Variants in KIF21A observed in about 807,000 individuals in gnomAD.
KIF21A encodes the protein kinesin family member 21A.
Under a neutral mutation model 202.9 loss-of-function variants are expected in KIF21A, and 114 were observed. That is an observed-to-expected ratio of 0.56 (90% CI 0.48 to 0.66). The LOEUF (loss-of-function observed/expected upper bound fraction) is 0.66, where lower values mean the gene tolerates loss of function less well. Ranked by LOEUF, KIF21A falls within the 30% of genes least tolerant of loss-of-function variation. The probability of loss-of-function intolerance (pLI) is 0.00; values close to 1 mark genes in which losing one functional copy is unlikely to be tolerated. For synonymous variants in KIF21A, 667 were observed against 670.8 expected, an observed-to-expected ratio of 0.99 and a Z score of 0.09; for missense variants, 1,677 against 1,994.9, an observed-to-expected ratio of 0.84 and a Z score of 3.04.
chr12:39,322,157 G>A (rs1945339192), intron 27 of KIF21A: 1 of 153,136 alleles, frequency 6.5e-6, no homozygotes, highest in Admixed American at 6.5e-5. Flanking sequence ...CCCAGAATAT[G>A]CAATATGCTT....
chr12:39,308,969 A>G (rs1943744348), intron 33 of KIF21A, among the ~76,000 whole-genome samples: 1 of 152,200 alleles, frequency 6.6e-6, no homozygotes, highest in African/African-American at 2.4e-5. Context: ...GTTTACGTCA[A>G]TTTTGATTAT....
At chr12:39,322,920 ACT>A in intron 26 of KIF21A, 38 bp from the exon 27 acceptor site, 1 of 1,344,752 alleles carries the variant, frequency 7.4e-7, no homozygotes, top group East Asian at 3.1e-5. Flanking sequence ...TCAGGAGCAA[ACT>A]CTTGCATAGA....
At chr12:39,309,563 CTA>C (rs777685422) in intron 33 of KIF21A, 21 bp downstream of exon 33, 2 of 1,531,590 alleles carry the variant, frequency 1.3e-6, no homozygotes, top group Non-Finnish European at 1.8e-6. Flanking sequence ...CTCCTTTATG[CTA>C]TATGTCTTCA....
chr12:39,386,009 G>T (rs1328356376), intron 1 of KIF21A, among the ~76,000 whole-genome samples: 1 of 152,100 alleles, frequency 6.6e-6, no homozygotes, highest in East Asian at 1.9e-4. Flanking sequence ...CTGTTTATTT[G>T]TTCTGGGTTT....
intron 1 of KIF21A, among the ~76,000 whole-genome samples, chr12:39,416,943 A>C (rs944434155): frequency 6.6e-6 from 1 of 150,704 alleles, no homozygotes; most frequent in African/African-American, 2.4e-5. Flanking sequence ...ATTTTAAAAA[A>C]CCTTGAGGAT....
intron 36 of KIF21A, 61 bp from the exon 37 acceptor site, chr12:39,301,740 T>C (rs1303969632): frequency 4.2e-6 from 6 of 1,413,088 alleles, no homozygotes; most frequent in Non-Finnish European, 5.0e-6. Flanking sequence ...CATTTTCACA[T>C]GAAAATAAAC....
Position 39,332,500 on chromosome 12 carries a change from G to C in KIF21A, c.2856+91C>G, listed in dbSNP as rs1946596941. The C allele has an allele frequency of 1.5e-5, 14 of 953,156 alleles. No homozygotes were observed. In the East Asian group the frequency reaches 5.4e-4, roughly 37 times the overall value. The allele number at this position is 953,156 out of a possible 1,614,324, so 59.0% of individuals were successfully genotyped here. On this transcript the variant is annotated intron_variant, in intron 20 of 37. Coordinates refer to ENST00000361418, the MANE Select transcript of KIF21A (RefSeq NM_001173464.2). ...CCCCCCACCCCCCAAAAAAAACTTG[G>C]TAAGTGTTAAATTTACCCAGGGAAC...
chr12:39,388,188 G>A (rs1421433663), intron 1 of KIF21A, among the ~76,000 whole-genome samples: 1 of 152,136 alleles, frequency 6.6e-6, no homozygotes, highest in Non-Finnish European at 1.5e-5. Flanking sequence ...CCATGGCGGG[G>A]ACCGGAGGCA....
chr12:39,374,060 T>C (rs1451063069), intron 1 of KIF21A, among the ~76,000 whole-genome samples: 3 of 152,186 alleles, frequency 2.0e-5, no homozygotes, highest in Admixed American at 2.0e-4. Context: ...AGGGATAGGT[T>C]CACCTTTTTA....
chr12:39,297,706 T>G (rs1428672506), intron 37 of KIF21A, among the ~76,000 whole-genome samples: 1 of 151,158 alleles, frequency 6.6e-6, no homozygotes, highest in Non-Finnish European at 1.5e-5. Flanking sequence ...CTGCACATTG[T>G]GCACATGTAC....
At position 39,363,122 on chromosome 12, in the gene KIF21A, A is replaced by G. The variant is rs1833162130; in HGVS notation, c.995T>C (p.Leu332Pro). ...CCTATTACCCCCGAGGGAATCCTGT[A>G]GTAGTCTTGTTAGCTTGGAATCTCT... The part of the protein sequence containing the change: ...PYRDSKLTRL[L>P]QDSLGGNSQT... The change falls in exon 7 of 38, where the codon CTA (leucine) becomes CCA (proline). Residue 332 changes from leucine to proline, a missense_variant. By Grantham distance (98) the Leu-to-Pro change is moderately conservative. Around this residue, in one of 3 missense-constraint regions of KIF21A, gnomAD observed 966 missense variants for 1,180.9 expected, o/e 0.82. Transcript: ENST00000361418. 3.1e-6 allele frequency: 5 copies of G among 1,610,458 alleles called. No homozygotes were observed. Among genetic ancestry groups the G allele is most frequent in the Non-Finnish European group, 4.2e-6 (5 of 1,176,890 alleles).
intron 1 of KIF21A, among the ~76,000 whole-genome samples, chr12:39,393,700 A>G (rs191702946): frequency 6.6e-6 from 1 of 152,232 alleles, no homozygotes; most frequent in Non-Finnish European, 1.5e-5. Context: ...AAAAGTATTA[A>G]GAGAAAAAGA....
chr12:39,305,137 GGAC>G (rs1244525663), intron 34 of KIF21A, among the ~76,000 whole-genome samples, 199 bp from the exon 35 acceptor site: 1 of 151,776 alleles, frequency 6.6e-6, no homozygotes, highest in African/African-American at 2.4e-5. Context: ...AGACCGAGGT[GGAC>G]GTATCACCTG....
chr12:39,377,755 C>A (rs1053969528), intron 1 of KIF21A, among the ~76,000 whole-genome samples: 2 of 151,988 alleles, frequency 1.3e-5, no homozygotes, highest in South Asian at 2.1e-4. Flanking sequence ...GAGTGAAAAG[C>A]CTAAAGACAA....
At chr12:39,372,240 G>C (rs1039377890) in intron 1 of KIF21A, among the ~76,000 whole-genome samples, 1 of 152,162 alleles carries the variant, frequency 6.6e-6, no homozygotes, top group African/African-American at 2.4e-5. Context: ...ACAGAATTTT[G>C]TATGCCTCAA....
intron 1 of KIF21A, among the ~76,000 whole-genome samples, chr12:39,387,178 AC>A (rs1161647939): frequency 2.0e-5 from 3 of 150,586 alleles, no homozygotes; most frequent in Admixed American, 6.6e-5. Context: ...ACACACACAC[AC>A]ACACACACAC....
intron 3 of KIF21A, 148 bp downstream of exon 3, chr12:39,369,581 T>C: frequency 3.2e-6 from 2 of 633,172 alleles, no homozygotes; most frequent in East Asian, 2.7e-5. Flanking sequence ...GGAAAAGTTA[T>C]TTCTACTATC....
chr12:39,346,289 A>C (rs186759801), intron 12 of KIF21A, among the ~76,000 whole-genome samples, 177 bp downstream of exon 12: 39 of 152,154 alleles, frequency 2.6e-4, no homozygotes, highest in African/African-American at 8.7e-4. Context: ...CTTAAAAAGT[A>C]TTTTCTTAAA....
At chr12:39,335,812 C>G (rs185839934) in intron 17 of KIF21A, among the ~76,000 whole-genome samples, 26 of 152,238 alleles carry the variant, frequency 1.7e-4, no homozygotes, top group African/African-American at 6.0e-4. Flanking sequence ...GACAAATACA[C>G]TGATTATTAA....
Sources: gnomAD v4.1 joint callset for allele counts (sites outside exome capture counted in the v4.1 genomes callset) on GRCh38, gnomAD v4.1.1 for gene constraint, gnomAD v4.1.1 regional missense constraint, MANE v1.5 for transcripts, NCBI Gene and HGNC (gene_info 2026-07-23, HGNC 2026-07-21) for gene names.